EMX2: variants seen among roughly 807,000 people sequenced by gnomAD.
The protein encoded by EMX2 is homeobox protein EMX2.
Under a neutral mutation model 23.0 loss-of-function variants are expected in EMX2, and 6 were observed. The ratio of observed to expected loss-of-function variants is 0.26; its 90% CI spans 0.14 to 0.52. EMX2 has a LOEUF of 0.52. EMX2 is among the 20% of genes least tolerant of loss of function. The probability of loss-of-function intolerance (pLI) is 0.97; values close to 1 mark genes in which losing one functional copy is unlikely to be tolerated. For synonymous variants in EMX2, 175 were observed against 153.3 expected (o/e 1.14, Z -1.04); for missense variants, 302 against 341.4 (o/e 0.88, Z 0.91).
intron 2 of EMX2, among the ~76,000 whole-genome samples, chr10:117,547,019 A>G (rs1457020664): frequency 6.6e-6 from 1 of 152,162 alleles, no homozygotes; most frequent in East Asian, 1.9e-4. Flanking sequence ...GGGGGAGGGT[A>G]TCAGAGGTGC....
intron 1 of EMX2, chr10:117,545,279 CT>C (rs1374601998): frequency 8.1e-6 from 2 of 248,288 alleles, no homozygotes; most frequent in Admixed American, 5.8e-5. Flanking sequence ...CGCCAATCCC[CT>C]GGCCAGGCTC....
Position 117,548,671 on chromosome 10 carries a change from A to C in EMX2, c.*439A>C. On this transcript the variant is annotated 3_prime_UTR_variant, in exon 3 of 3. Coordinates refer to ENST00000553456, the MANE Select transcript of EMX2 (RefSeq NM_004098.4). ...GTATTCCGTTTATCACAGTCCACTT[A>C]AAAAATGATGATGATGATAAAAACC... 1 of 417,446 alleles carries C rather than the reference A, an allele frequency of 2.4e-6. No individual in the cohort carries two copies. Among genetic ancestry groups the C allele is most frequent in the Non-Finnish European group, 4.2e-6 (1 of 236,818 alleles). 25.9% of individuals were successfully genotyped at this position (417,446 alleles called of 1,614,324 possible).
intron 2 of EMX2, among the ~76,000 whole-genome samples, chr10:117,546,429 A>G (rs867456094): frequency 6.6e-6 from 1 of 152,230 alleles, no homozygotes; most frequent in Non-Finnish European, 1.5e-5. Flanking sequence ...GGTTTATCCC[A>G]GGGTGGGGAG....
Position 117,548,579 on chromosome 10 carries a change from G to A in EMX2, c.*347G>A. On this transcript the variant is annotated 3_prime_UTR_variant, in exon 3 of 3. Transcript: ENST00000553456. ...GAGAGAGAGAGAGAGAGAGAAAGCT[G>A]AACGTGCACTCTGACAAGGGGAGCT... is the stretch of plus-strand genomic sequence containing the variant. 1 of 521,002 alleles carries A rather than the reference G, an allele frequency of 1.9e-6. No individual in the cohort carries two copies. Among genetic ancestry groups the A allele is most frequent in the Non-Finnish European group, 3.3e-6 (1 of 298,936 alleles). 32.3% of individuals were successfully genotyped at this position (521,002 alleles called of 1,614,324 possible). A position where few individuals can be genotyped will look rare whatever the true frequency, so the allele number is the denominator to read the frequency against.
intron 2 of EMX2, 39 bp from the exon 3 acceptor site, chr10:117,548,026 T>G (rs1355366084): frequency 6.3e-7 from 1 of 1,583,852 alleles, no homozygotes; most frequent in Non-Finnish European, 8.6e-7. Flanking sequence ...AAGGGTGCTC[T>G]GAAAGAACTA....
rs1846572370 is a variant in EMX2 at position 117,545,917 on chromosome 10, T to G, written c.591+101T>G. 2.0e-6 allele frequency: 3 copies of G among 1,488,672 alleles called. No homozygotes were observed. The East Asian group carries it at 7.1e-5, about 35-fold the overall frequency. The allele number at this position is 1,488,672 out of a possible 1,614,324, so 92.2% of individuals were successfully genotyped here. On this transcript the variant is annotated intron_variant, in intron 2 of 2. Coordinates refer to ENST00000553456, the MANE Select transcript of EMX2 (RefSeq NM_004098.4). ...TGAGCACGGAGCTCTGTGAGGGCCTTCCGCACAGGTCCTGGTAGCTGGTTC... is the reference window on the plus strand; with the variant it reads ...TGAGCACGGAGCTCTGTGAGGGCCTGCCGCACAGGTCCTGGTAGCTGGTTC...
chr10:117,546,285 G>A (rs1846577399), intron 2 of EMX2, among the ~76,000 whole-genome samples: 1 of 152,214 alleles, frequency 6.6e-6, no homozygotes, highest in East Asian at 1.9e-4. Context: ...GAAGGAGATG[G>A]GCGATGGGAA....
chr10:117,543,488 C>G lies in EMX2; in HGVS notation c.221C>G (p.Ala74Gly). ...YSNPDLVFAE[A>G]VSHPPNPAVP... ...AACCCGGACTTGGTGTTCGCCGAGG[C>G]GGTCTCGCACCCGCCCAACCCCGCC... is the stretch of plus-strand genomic sequence containing the variant. The change falls in exon 1 of 3, where the codon GCG becomes GGG. Residue 74 changes from alanine (A) to glycine (G), a missense_variant. Transcript: ENST00000553456. 6.2e-7 allele frequency: 1 copy of G among 1,609,750 alleles called. No homozygotes were observed.
At chr10:117,544,061 G>T (rs1046711021) in intron 1 of EMX2, among the ~76,000 whole-genome samples, 1 of 152,238 alleles carries the variant, frequency 6.6e-6, no homozygotes, top group Non-Finnish European at 1.5e-5. Context: ...CGAGGGGCGC[G>T]GACAGGACTC....
At chr10:117,543,778 T>C (rs374844113) in intron 1 of EMX2, 105 bp downstream of exon 1, 3 of 1,569,302 alleles carry the variant, frequency 1.9e-6, no homozygotes, top group Non-Finnish European at 2.6e-6. Flanking sequence ...CGGAGGTTCC[T>C]CCGGCTCGCG....
rs757718010 is a variant in EMX2, at chr10:117,548,136, G to T, written c.663G>T (p.Ser221=). The stretch of plus-strand genomic sequence containing the variant: ...AGCTGGAGGAAGAAGGCTCAGATTC[G>T]CAACAAAAGAAAAAAGGGACGCACC... ...RQKLEEEGSD[S]QQKKKGTHHI... is the part of the protein sequence containing the mutation. Residue 221 remains serine (S), a synonymous_variant, in exon 3 of 3, where the codon TCG becomes TCT. Coordinates refer to ENST00000553456, the MANE Select transcript of EMX2 (RefSeq NM_004098.4). The T allele has an allele frequency of 8.1e-6, 13 of 1,613,790 alleles. No individual in the cohort carries two copies. The South Asian group carries it at 1.3e-4, about 16-fold the overall frequency.
chr10:117,545,558 C>T, intron 1 of EMX2, 74 bp from the exon 2 acceptor site: 1 of 1,591,152 alleles, frequency 6.3e-7, no homozygotes, highest in South Asian at 1.1e-5. Flanking sequence ...GCCGGGCCAG[C>T]CCGGCTCGGG....
intron 2 of EMX2, among the ~76,000 whole-genome samples, chr10:117,547,179 C>G (rs1846590174): frequency 1.3e-5 from 2 of 152,220 alleles, no homozygotes; most frequent in Admixed American, 1.3e-4. Context: ...TGAGACCTCT[C>G]ACAGCCGCTC....
Position 117,548,334 on chromosome 10 carries a change from A to C in EMX2, c.*102A>C. On this transcript the variant is annotated 3_prime_UTR_variant, in exon 3 of 3. Transcript: ENST00000553456. ...TACAAAACAAAAACAAACCGCATAC[A>C]CGTTCACCGAGAAAGGGAGAGGGAA... The C allele has an allele frequency of 2.8e-6, 4 of 1,447,196 alleles. No homozygotes were observed. Among genetic ancestry groups the C allele is most frequent in the Non-Finnish European group, 3.7e-6 (4 of 1,068,630 alleles). The allele number at this position is 1,447,196 out of a possible 1,614,324, so 89.6% of individuals were successfully genotyped here. A position where few individuals can be genotyped will look rare whatever the true frequency, so the allele number is the denominator to read the frequency against.
Position 117,548,782 on chromosome 10 carries a change from A to T in EMX2, c.*550A>T, listed in dbSNP as rs1192460474. On this transcript the variant is annotated 3_prime_UTR_variant, in exon 3 of 3. Coordinates refer to ENST00000553456, the MANE Select transcript of EMX2 (RefSeq NM_004098.4). ...CTTTAAAAATAATTAGTAATAAAAA[A>T]CAAAAATTCCATATCTAGCCCCATC... The T allele has an allele frequency of 2.5e-6, 1 of 405,242 alleles. No individual in the cohort carries two copies. Among genetic ancestry groups the T allele is most frequent in the Non-Finnish European group, 4.3e-6 (1 of 230,280 alleles). 25.1% of individuals were successfully genotyped at this position (405,242 alleles called of 1,614,324 possible). A position where few individuals can be genotyped will look rare whatever the true frequency, so the allele number is the denominator to read the frequency against.
Position 117,548,544 on chromosome 10 carries a change from G to C in EMX2, c.*312G>C, listed in dbSNP as rs929848332. On this transcript the variant is annotated 3_prime_UTR_variant, in exon 3 of 3. Transcript: ENST00000553456. ...AGAGGGAGGGAGAGAGAGAAAGAGA[G>C]AGAAAGAGAGAGAGAGAGAGAGAGA... is the stretch of plus-strand genomic sequence containing the variant. 12 of 421,378 alleles carry C rather than the reference G, an allele frequency of 2.8e-5. No homozygotes were observed. The South Asian group carries it at 3.1e-4, about 11-fold the overall frequency. The allele number at this position is 421,378 out of a possible 1,614,324, so 26.1% of individuals were successfully genotyped here.
chr10:117,548,598 G>A lies in EMX2; in HGVS notation c.*366G>A. The A allele has an allele frequency of 2.0e-6, 1 of 502,106 alleles. No individual in the cohort carries two copies. Among genetic ancestry groups the A allele is most frequent in the East Asian group, 3.1e-5 (1 of 32,236 alleles). 31.1% of individuals were successfully genotyped at this position (502,106 alleles called of 1,614,324 possible). A position where few individuals can be genotyped will look rare whatever the true frequency, so the allele number is the denominator to read the frequency against. On this transcript the variant is annotated 3_prime_UTR_variant, in exon 3 of 3. Coordinates refer to ENST00000553456, the MANE Select transcript of EMX2 (RefSeq NM_004098.4). ...AAAGCTGAACGTGCACTCTGACAAG[G>A]GGAGCTGTCAATCAAACACCAAACC...
chr10:117,548,004 G>C lies in EMX2; in HGVS notation c.592-61G>C, dbSNP rs1021221829. On this transcript the variant is annotated intron_variant, in intron 2 of 2. Coordinates refer to ENST00000553456, the MANE Select transcript of EMX2 (RefSeq NM_004098.4). The stretch of plus-strand genomic sequence containing the variant: ...GAGTCTGGGCTGGGTGAAAGGATCA[G>C]GCACTTGATAGAAGGGTGCTCTGAA... 1.9e-6 allele frequency: 3 copies of C among 1,556,972 alleles called. No individual in the cohort carries two copies. The African/African-American group carries it at 4.1e-5, about 21-fold the overall frequency.
Position 117,549,542 on chromosome 10 carries a change from C to T in EMX2, c.*1310C>T, listed in dbSNP as rs1846629230. 1 of 152,450 alleles carries T rather than the reference C, an allele frequency of 6.6e-6. No homozygotes were observed. Among genetic ancestry groups the T allele is most frequent in the Admixed American group, 6.5e-5 (1 of 15,276 alleles). The allele number at this position is 152,450 out of a possible 1,614,324, so 9.4% of individuals were successfully genotyped here. A position where few individuals can be genotyped will look rare whatever the true frequency, so the allele number is the denominator to read the frequency against. ...TGTCAATAAAGATTTATCAATATGC[C>T]CTCAGAGTAGTCGTCTTGGGAAATT... On this transcript the variant is annotated 3_prime_UTR_variant, in exon 3 of 3. Coordinates refer to ENST00000553456, the MANE Select transcript of EMX2 (RefSeq NM_004098.4).
Sources: gnomAD v4.1 joint callset for allele counts (sites outside exome capture counted in the v4.1 genomes callset) on GRCh38, gnomAD v4.1.1 for gene constraint, MANE v1.5 for transcripts, NCBI Gene and HGNC (gene_info 2026-07-23, HGNC 2026-07-21) for gene names.